The following BCL9 variants were observed in gnomAD, a reference collection of about 807,000 sequenced individuals.
BCL9 encodes the protein BCL9 transcription coactivator.
In BCL9, 25 loss-of-function variants were observed where a neutral mutation model predicts 88.5. That is an observed-to-expected ratio of 0.28 (90% CI 0.21 to 0.39). BCL9 has a LOEUF of 0.39. Ranked by LOEUF, BCL9 falls within the 10% of genes least tolerant of loss-of-function variation. BCL9 has a pLI of 1.00. For missense variants in BCL9, 1,817 were observed against 1,877.8 expected, an observed-to-expected ratio of 0.97 and a Z score of 0.60; for synonymous variants, 711 against 673.3, an observed-to-expected ratio of 1.06 and a Z score of -0.87.
intron 1 of BCL9, among the ~76,000 whole-genome samples, chr1:147,549,221 C>T (rs1242209669): frequency 1.3e-5 from 2 of 152,192 alleles, no homozygotes; most frequent in East Asian, 3.9e-4. Context: ...AAGCGATCCA[C>T]CCACCTCAAC....
At chr1:147,605,426 A>G (rs1272591443) in intron 2 of BCL9, among the ~76,000 whole-genome samples, 3 of 152,254 alleles carry the variant, frequency 2.0e-5, no homozygotes, top group Admixed American at 6.5e-5. Context: ...AGAATTTCAC[A>G]GAGAAGGGAC....
intron 1 of BCL9, among the ~76,000 whole-genome samples, chr1:147,546,743 G>T (rs1308769819): frequency 6.6e-6 from 1 of 152,124 alleles, no homozygotes; most frequent in African/African-American, 2.4e-5. Flanking sequence ...ATTCCTATAC[G>T]TCTATATCTA....
At position 147,625,730 on chromosome 1, in the gene BCL9, GCT is replaced by G. The variant is rs1658910976; in HGVS notation, c.*774_*775del. ...TCTCTTGTTTTCTCTCTCCGATTTT[GCT>G]CTGTCTCCTCAGTTAAGTGTTTCCT... On this transcript the variant is annotated 3_prime_UTR_variant, in exon 10 of 10. Transcript: ENST00000234739. 4.3e-6 allele frequency: 1 copy of G among 233,196 alleles called. No homozygotes were observed. The highest frequency in any genetic ancestry group is 1.8e-4 in the South Asian group (1 of 5,524). 14.4% of individuals were successfully genotyped at this position (233,196 alleles called of 1,614,324 possible). A position where few individuals can be genotyped will look rare whatever the true frequency, so the allele number is the denominator to read the frequency against.
chr1:147,603,618 C>T (rs889183727), intron 1 of BCL9, among the ~76,000 whole-genome samples: 17 of 152,298 alleles, frequency 1.1e-4, no homozygotes, highest in African/African-American at 3.9e-4. Context: ...TCCCCTGCCT[C>T]AGCCTCCCAA....
At chr1:147,572,433 C>T (rs1203470238) in intron 1 of BCL9, among the ~76,000 whole-genome samples, 1 of 152,198 alleles carries the variant, frequency 6.6e-6, no homozygotes, top group Non-Finnish European at 1.5e-5. Flanking sequence ...TCAGCCTCTC[C>T]TAGCATTGAT....
intron 8 of BCL9, 113 bp from the exon 9 acceptor site, chr1:147,622,158 G>C: frequency 7.2e-7 from 1 of 1,398,002 alleles, no homozygotes; most frequent in South Asian, 1.3e-5. Flanking sequence ...TAATAACACT[G>C]TCCTGTTCAT....
At chr1:147,549,165 CAG>C (rs1378849219) in intron 1 of BCL9, among the ~76,000 whole-genome samples, 2 of 151,838 alleles carry the variant, frequency 1.3e-5, no homozygotes, top group Non-Finnish European at 2.9e-5. Context: ...TTAGTAGAGA[CAG>C]AGTTTTGCCG....
At chr1:147,582,691 T>C (rs1425314411) in intron 1 of BCL9, among the ~76,000 whole-genome samples, 3 of 152,246 alleles carry the variant, frequency 2.0e-5, no homozygotes, top group Admixed American at 6.5e-5. Flanking sequence ...CACATTTCAG[T>C]GTCCATAAAT....
intron 1 of BCL9, among the ~76,000 whole-genome samples, chr1:147,557,081 C>T (rs1479884713): frequency 2.0e-5 from 3 of 152,148 alleles, no homozygotes; most frequent in Non-Finnish European, 4.4e-5. Flanking sequence ...ACAGATCTAG[C>T]AAATGAATTT....
chr1:147,623,348 AT>A (rs1279444826), intron 9 of BCL9, among the ~76,000 whole-genome samples: 1 of 152,196 alleles, frequency 6.6e-6, no homozygotes, highest in African/African-American at 2.4e-5. Flanking sequence ...TTTCTTGAAC[AT>A]TTCGTGGAAT....
chr1:147,623,581 A>G (rs1040142950), intron 9 of BCL9, among the ~76,000 whole-genome samples: 1 of 152,152 alleles, frequency 6.6e-6, no homozygotes, highest in East Asian at 1.9e-4. Flanking sequence ...CTAATTTATA[A>G]CTTTTCACAC....
Position 147,619,643 on chromosome 1 carries a change from C to T in BCL9, c.1488C>T (p.Ser496=). The part of the protein sequence containing the change: ...KQEQVVVQQC[S]LQDMMVHQHG... ...AACAAGTGGTTGTCCAGCAGTGTTC[C>T]CTCCAGGACATGATGGTCCATCAGC... The change falls in exon 8 of 10, where the codon TCC becomes TCT. Residue 496 remains serine (S), a synonymous_variant. Transcript: ENST00000234739. The surrounding 1 kb of genome is among the most constrained non-coding windows in gnomAD (Gnocchi z 4.1). The T allele has an allele frequency of 1.2e-6, 2 of 1,614,088 alleles. No individual in the cohort carries two copies. The highest frequency in any genetic ancestry group is 1.7e-6 in the Non-Finnish European group (2 of 1,180,016).
At chr1:147,576,220 A>C (rs1553198064) in intron 1 of BCL9, among the ~76,000 whole-genome samples, 3 of 152,202 alleles carry the variant, frequency 2.0e-5, no homozygotes. Flanking sequence ...ATAATTATTA[A>C]AAATTAGTAG....
At chr1:147,577,053 T>A (rs75546320) in intron 1 of BCL9, among the ~76,000 whole-genome samples, 5,294 of 151,288 alleles carry the variant, frequency 0.035, 131 homozygotes, top group Non-Finnish European at 0.043. Context: ...GTACGCTATA[T>A]TTTTTTTTAT....
At chr1:147,570,630 C>CTTTTCTTTTTTTTTTT (rs1357272075) in intron 1 of BCL9, among the ~76,000 whole-genome samples, 2 of 15,174 alleles carry the variant, frequency 1.3e-4, no homozygotes, top group South Asian at 3.5e-3. Flanking sequence ...GACTGATTTT[C>CTTTTCTTTTTTTTTTT]TTTTTTTTCT....
At chr1:147,566,467 C>T (rs782540457) in intron 1 of BCL9, among the ~76,000 whole-genome samples, 2 of 152,060 alleles carry the variant, frequency 1.3e-5, no homozygotes, top group Admixed American at 6.5e-5. Context: ...AGTCATGGGC[C>T]GGCCATGGCC....
chr1:147,566,193 G>A (rs587600685), intron 1 of BCL9, among the ~76,000 whole-genome samples: 163 of 152,290 alleles, frequency 1.1e-3, no homozygotes, highest in African/African-American at 3.7e-3. Context: ...GTTGAGGCAG[G>A]AAATATGCCA....
chr1:147,559,007 A>T (rs200859301), intron 1 of BCL9, among the ~76,000 whole-genome samples: 1 of 152,126 alleles, frequency 6.6e-6, no homozygotes, highest in African/African-American at 2.4e-5. Flanking sequence ...ACATGCTTCT[A>T]TGTAGGCAAC....
chr1:147,581,875 A>G (rs115222435), intron 1 of BCL9, among the ~76,000 whole-genome samples: 1,975 of 152,242 alleles, frequency 0.013, 29 homozygotes, highest in Non-Finnish European at 0.021. Context: ...TTCTCTGACT[A>G]TTCTCTGTGA....
Sources: allele counts gnomAD v4.1 joint callset (sites outside exome capture counted in the v4.1 genomes callset), GRCh38; gene constraint gnomAD v4.1.1; non-coding constraint Gnocchi (gnomAD v3.1); transcripts MANE v1.5; gene names NCBI Gene and HGNC (gene_info 2026-07-23, HGNC 2026-07-21).